The following SPON2 variants were observed in gnomAD, a reference collection of about 807,000 sequenced individuals.
SPON2 encodes the protein spondin 2.
A neutral mutation model predicts 29.9 loss-of-function variants in SPON2; 32 were observed. The ratio of observed to expected loss-of-function variants is 1.07; its 90% CI spans 0.81 to 1.44. The LOEUF is 1.44. Ranked by LOEUF, SPON2 falls within the 40% of genes most tolerant of loss-of-function variation. The probability of loss-of-function intolerance (pLI) is 0.00; values close to 1 mark genes in which losing one functional copy is unlikely to be tolerated. For missense variants in SPON2, 541 were observed against 455.5 expected (o/e 1.19, Z -1.71); for synonymous variants, 248 against 209.1 (o/e 1.19, Z -1.61).
chr4:1,196,401 G>A (rs1728071047), upstream of SPON2, among the ~76,000 whole-genome samples: 1 of 152,206 alleles, frequency 6.6e-6, no homozygotes, highest in Non-Finnish European at 1.5e-5. Flanking sequence ...CATCTATACC[G>A]TGGAAGCAGC....
chr4:1,185,268 G>T (rs888284537), intron 1 of SPON2, among the ~76,000 whole-genome samples: 1 of 151,518 alleles, frequency 6.6e-6, no homozygotes, highest in African/African-American at 2.4e-5. Context: ...TACAGACTGG[G>T]TTTTGCCACA....
chr4:1,195,651 AGCAG>A (rs1349596251), upstream of SPON2, among the ~76,000 whole-genome samples: 1 of 152,186 alleles, frequency 6.6e-6, no homozygotes, highest in African/African-American at 2.4e-5. Context: ...CAGGGCCATC[AGCAG>A]GCAGAGGCGC....
rs550831193 is a variant in SPON2 at position 1,171,230 on chromosome 4, C to T, written c.444+33G>A. On this transcript the variant is annotated intron_variant, in intron 3 of 5. Transcript: ENST00000290902. ...GCTCAGCGCGCCTGGCCCCGGCCCC[C>T]CGGACCCCGCCCCCGGCCGGCCCCG... The T allele has an allele frequency of 1.3e-5, 19 of 1,433,684 alleles. No individual in the cohort carries two copies. The Admixed American group carries it at 3.1e-4, about 23-fold the overall frequency. The allele number at this position is 1,433,684 out of a possible 1,614,324, so 88.8% of individuals were successfully genotyped here. A position where few individuals can be genotyped will look rare whatever the true frequency, so the allele number is the denominator to read the frequency against.
At chr4:1,186,048 T>C (rs868024077) in intron 1 of SPON2, among the ~76,000 whole-genome samples, 18 of 149,556 alleles carry the variant, frequency 1.2e-4, no homozygotes, top group East Asian at 6.1e-4. Context: ...ATCGAGACCA[T>C]CCTGGCTAAC....
chr4:1,167,038 C>G lies in SPON2; in HGVS notation c.*434G>C, dbSNP rs1322605700. On this transcript the variant is annotated 3_prime_UTR_variant, in exon 6 of 6. Transcript: ENST00000290902. ...ATTTATTCACTTCTCAAGTGGCCCC[C>G]GCTTGGATGCGCCCTCGGGAGAGTG... 6.2e-6 allele frequency: 1 copy of G among 162,550 alleles called. No homozygotes were observed. The highest frequency in any genetic ancestry group is 2.4e-5 in the African/African-American group (1 of 41,844). The allele number at this position is 162,550 out of a possible 1,614,324, so 10.1% of individuals were successfully genotyped here. A position where few individuals can be genotyped will look rare whatever the true frequency, so the allele number is the denominator to read the frequency against.
chr4:1,200,801 G>A (rs1728181297), intron 1 of SPON2: 2 of 456,544 alleles, frequency 4.4e-6, no homozygotes, highest in Non-Finnish European at 4.4e-6. Flanking sequence ...CCTTTGCTGT[G>A]AGCAAGTGGA....
intron 5 of SPON2, 73 bp from the exon 6 acceptor site, chr4:1,167,729 C>G (rs1451808372): frequency 3.4e-6 from 5 of 1,479,410 alleles, no homozygotes; most frequent in Non-Finnish European, 4.5e-6. Context: ...GAAGCCACCT[C>G]CCACCAACGT....
upstream of SPON2, among the ~76,000 whole-genome samples, chr4:1,173,712 A>T (rs1727532344): frequency 6.6e-6 from 1 of 152,234 alleles, no homozygotes; most frequent in Non-Finnish European, 1.5e-5. Context: ...CACAGATTCA[A>T]AAAGAGAGAA....
chr4:1,171,057 C>CT lies in SPON2; in HGVS notation c.577dup (p.Ser193LysfsTer72). ...GTTGGGGGAGGAGAAGGTGAAGCCG[C>CT]TGTCCGTCCCGGCGTCGTAGGGGTA... On this transcript the variant is annotated frameshift_variant, in exon 4 of 6. Transcript: ENST00000290902. LOFTEE classifies it high-confidence loss of function. The CT allele has an allele frequency of 6.5e-7, 1 of 1,549,002 alleles. No homozygotes were observed. The highest frequency in any genetic ancestry group is 8.7e-7 in the Non-Finnish European group (1 of 1,146,208).
intron 1 of SPON2, among the ~76,000 whole-genome samples, chr4:1,192,624 CG>C (rs1297709372): frequency 6.6e-5 from 10 of 152,164 alleles, no homozygotes. Context: ...CGGAGCTGCC[CG>C]GGGCAAACAA....
At chr4:1,195,074 C>CT (rs1177873073) in exon 1 of SPON2, 1 of 121,426 alleles carries the variant, frequency 8.2e-6, no homozygotes, top group African/African-American at 2.8e-5. Context: ...CGTCTCCAAC[C>CT]CCGCAGCCGG....
Position 1,170,550 on chromosome 4 carries a change from C to T in SPON2, c.663G>A (p.Pro221=), listed in dbSNP as rs545107781. 8 of 1,613,564 alleles carry T rather than the reference C, an allele frequency of 5.0e-6. No homozygotes were observed. The highest frequency in any genetic ancestry group is 4.4e-5 in the South Asian group (4 of 91,064). The part of the protein sequence containing the change: ...TEITSSSPSH[P]ANSFYYPRLK... ...GCCGCGGGTAGTAGAAGGAGTTGGC[C>T]GGGTGGCTGGGAGAGGAGGACGTTA... Residue 221 remains proline, a synonymous_variant, in exon 5 of 6, where the codon CCG becomes CCA. Coordinates refer to ENST00000290902, the MANE Select transcript of SPON2 (RefSeq NM_012445.4).
intron 1 of SPON2, among the ~76,000 whole-genome samples, chr4:1,207,583 A>G (rs1052897955): frequency 8.2e-5 from 11 of 134,686 alleles, no homozygotes; most frequent in Non-Finnish European, 1.7e-4. Flanking sequence ...GCGCTTACAC[A>G]TGCTCCAGAG....
rs1295374660 is a variant in SPON2 at position 1,202,967 on chromosome 4, G to A, written c.-234+4913C>T. On this transcript the variant is annotated intron_variant, in intron 1 of 3. Transcript: ENST00000509233. The surrounding 1 kb of genome is among the most constrained non-coding windows in gnomAD (Gnocchi z 5.4). The stretch of plus-strand genomic sequence containing the variant: ...GACCCAGGCAGGCAGTGAGCTCTGC[G>A]GTCCCAAAGGTGCCCCAGGGTCTCA... Among the ~76,000 whole-genome samples the A allele has an allele frequency of 1.3e-5, 2 of 152,196 alleles. No homozygotes were observed. The highest frequency in any genetic ancestry group is 2.1e-4 in the South Asian group (1 of 4,822).
chr4:1,170,214 A>C, intron 5 of SPON2, 188 bp downstream of exon 5: 1 of 644,814 alleles, frequency 1.6e-6, no homozygotes, highest in Middle Eastern at 3.7e-4. Context: ...TCAACTGCAA[A>C]TAATGTGCAA....
Position 1,171,316 on chromosome 4 carries a change from T to G in SPON2, c.391A>C (p.Ser131Arg). The G allele has an allele frequency of 6.2e-7, 1 of 1,600,922 alleles. No homozygotes were observed. ...TCCGCCGACGTCTGCCCGGTGCCGC[T>G]GGGGACGGCGGGCGCCGAAAACACC... ...HAVFSAPAVP[S>R]GTGQTSAELE... The change falls in exon 3 of 6, where the codon AGC (serine) becomes CGC (arginine). Residue 131 changes from serine (S) to arginine (R), a missense_variant. Ser to Arg is a moderately radical substitution (Grantham distance 110, BLOSUM62 -1). Coordinates refer to ENST00000290902, the MANE Select transcript of SPON2 (RefSeq NM_012445.4).
upstream of SPON2, among the ~76,000 whole-genome samples, chr4:1,175,744 A>G (rs1727582319): frequency 6.6e-6 from 1 of 151,260 alleles, no homozygotes; most frequent in Non-Finnish European, 1.5e-5. Flanking sequence ...TGGTGGGCCC[A>G]GGCCTCGGGG....
chr4:1,174,502 A>C (rs1320768226), upstream of SPON2, among the ~76,000 whole-genome samples: 47 of 138,636 alleles, frequency 3.4e-4, no homozygotes, highest in African/African-American at 1.1e-3. Flanking sequence ...AAAAAAAAAA[A>C]CAAAAAAACA....
intron 1 of SPON2, among the ~76,000 whole-genome samples, chr4:1,190,805 T>C (rs1384446652): frequency 6.6e-6 from 1 of 152,184 alleles, no homozygotes; most frequent in Non-Finnish European, 1.5e-5. Flanking sequence ...GTCACGTTTC[T>C]AAAACAATGA....
Sources: allele counts gnomAD v4.1 joint callset (sites outside exome capture counted in the v4.1 genomes callset), GRCh38; gene constraint gnomAD v4.1.1; non-coding constraint Gnocchi (gnomAD v3.1); transcripts MANE v1.5; gene names NCBI Gene and HGNC (gene_info 2026-07-23, HGNC 2026-07-21).